ATAD2: variants seen among roughly 807,000 people sequenced by gnomAD.
ATAD2 encodes ATPase family AAA domain containing 2.
A neutral mutation model predicts 168.9 loss-of-function variants in ATAD2; 62 were observed. The observed-to-expected ratio is 0.37, with a 90% CI of 0.30 to 0.45. The LOEUF (loss-of-function observed/expected upper bound fraction) is 0.45, where lower values mean the gene tolerates loss of function less well. Among genes scored for constraint, ATAD2 ranks in the 20% least tolerant of loss-of-function variants. ATAD2 has a pLI of 1.00. For synonymous variants in ATAD2, 613 were observed against 571.6 expected (o/e 1.07, Z -1.03); for missense variants, 1,419 against 1,667.8 (o/e 0.85, Z 2.60).
rs530136198 is a variant in ATAD2 at position 123,339,551 on chromosome 8, C to T, written c.2719-105G>A. Reference sequence around the variant, plus strand: ...AGACTTTACAGCAGCATGAAAGTGACATGTATTCAGTATGTCCCTCCACTT... The same window carrying T: ...AGACTTTACAGCAGCATGAAAGTGATATGTATTCAGTATGTCCCTCCACTT... On this transcript the variant is annotated intron_variant, in intron 19 of 27. Transcript: ENST00000287394. 8.3e-6 allele frequency: 9 copies of T among 1,082,396 alleles called. No individual in the cohort carries two copies. In the African/African-American group the frequency reaches 1.3e-4, roughly 15 times the overall value. 67.0% of individuals were successfully genotyped at this position (1,082,396 alleles called of 1,614,324 possible). A position where few individuals can be genotyped will look rare whatever the true frequency, so the allele number is the denominator to read the frequency against.
upstream of ATAD2, among the ~76,000 whole-genome samples, chr8:123,399,465 G>T (rs1812969686): frequency 6.6e-6 from 1 of 152,136 alleles, no homozygotes; most frequent in Non-Finnish European, 1.5e-5. Context: ...AATAAACAAG[G>T]TAACTTCATT....
intron 1 of ATAD2, among the ~76,000 whole-genome samples, chr8:123,392,245 T>C (rs1168989082): frequency 1.3e-5 from 2 of 152,082 alleles, no homozygotes; most frequent in East Asian, 1.9e-4. Flanking sequence ...TACATTCTGA[T>C]TGGGGAAGAG....
At chr8:123,407,766 T>C (rs1586914722) in intron 1 of ATAD2, among the ~76,000 whole-genome samples, 1 of 152,066 alleles carries the variant, frequency 6.6e-6, no homozygotes, top group African/African-American at 2.4e-5. Flanking sequence ...GGCAGAAGAA[T>C]TGCTTGAACC....
Position 123,345,074 on chromosome 8 carries a change from T to G in ATAD2, c.2533-5A>C, listed in dbSNP as rs374707437. 2.0e-5 allele frequency: 32 copies of G among 1,592,318 alleles called. No homozygotes were observed. The African/African-American group carries it at 4.2e-4, about 21-fold the overall frequency. ...TCTCTTAGCTTCACGAATCACCTAGTAGAGAGAGAACAAAACAAATTCAGT... is the reference window on the plus strand; with the variant it reads ...TCTCTTAGCTTCACGAATCACCTAGGAGAGAGAGAACAAAACAAATTCAGT... On this transcript the variant is annotated splice_polypyrimidine_tract_variant and splice_region_variant and intron_variant, in intron 18 of 27. Transcript: ENST00000287394.
At chr8:123,379,903 T>TTTTTA (rs1829444352) in intron 2 of ATAD2, among the ~76,000 whole-genome samples, 3 of 149,170 alleles carry the variant, frequency 2.0e-5, no homozygotes, top group South Asian at 2.1e-4. Context: ...TTTTTTTTTT[T>TTTTTA]GAGACTGAGT....
intron 22 of ATAD2, 96 bp from the exon 23 acceptor site, chr8:123,334,418 C>T: frequency 1.7e-6 from 2 of 1,177,026 alleles, no homozygotes; most frequent in Non-Finnish European, 2.3e-6. Context: ...GTAGCTCTTA[C>T]AATTCCTTTT....
rs150563309 is a variant in ATAD2 at position 123,401,952 on chromosome 8, G to A, written c.-2281-777C>T. 1.6e-3 allele frequency: 1,348 copies of A among 849,494 alleles called. 11 individuals are homozygous for A. In the East Asian group the frequency reaches 0.027, roughly 17 times the overall value. The allele number at this position is 849,494 out of a possible 1,614,324, so 52.6% of individuals were successfully genotyped here. On this transcript the variant is annotated intron_variant, in intron 1 of 28. Transcript: ENST00000521903. ...AAGTTTGTGCCCTACCTCATAGTGG[G>A]CATCCAGCATGGCTGCCAGGATATC...
intron 25 of ATAD2, 100 bp downstream of exon 25, chr8:123,328,090 A>G: frequency 2.0e-6 from 2 of 989,024 alleles, no homozygotes; most frequent in Non-Finnish European, 2.7e-6. Flanking sequence ...TGCTCTCTGA[A>G]AGGCAAGCAA....
At chr8:123,370,857 G>T in intron 6 of ATAD2, 46 bp downstream of exon 6, 1 of 1,425,312 alleles carries the variant, frequency 7.0e-7, no homozygotes, top group South Asian at 1.3e-5. Flanking sequence ...TAAATAAAAA[G>T]TTCTTAAATT....
intron 5 of ATAD2, 41 bp from the exon 6 acceptor site, chr8:123,371,031 A>G (rs1452617481): frequency 2.1e-6 from 3 of 1,430,548 alleles, no homozygotes; most frequent in South Asian, 2.6e-5. Context: ...TTTGGAATCT[A>G]TTTATTAAAA....
At chr8:123,372,602 A>G in intron 3 of ATAD2, 35 bp downstream of exon 3, 1 of 1,478,056 alleles carries the variant, frequency 6.8e-7, no homozygotes, top group Admixed American at 2.2e-5. Context: ...TTAATTACAC[A>G]TTTTAAGATC....
chr8:123,384,769 G>A (rs1054639586), intron 1 of ATAD2, among the ~76,000 whole-genome samples: 1 of 152,192 alleles, frequency 6.6e-6, no homozygotes, highest in African/African-American at 2.4e-5. Context: ...AAATTGGAAC[G>A]ATACAAAGAT....
In ATAD2 at chr8:123,389,960, TTATA is replaced by T. The variant is rs386360951; in HGVS notation, c.171+6223_171+6226del. On this transcript the variant is annotated intron_variant, in intron 1 of 27. Transcript: ENST00000287394. Reference sequence around the variant, plus strand: ...ATAAGTGGTAGCTATTACTATTATTTTATATATATATATATATATATATATTTTT... The same window carrying T: ...ATAAGTGGTAGCTATTACTATTATTTTATATATATATATATATATATTTTT... Among the ~76,000 whole-genome samples, 208 of 94,046 alleles carry T rather than the reference TTATA, an allele frequency of 2.2e-3. 2 individuals carry two copies. Among genetic ancestry groups the T allele is most frequent in the East Asian group, 7.3e-3 (24 of 3,310 alleles). 61.7% of individuals were successfully genotyped at this position (94,046 alleles called of 152,430 possible).
chr8:123,356,292 A>T (rs1828643260), intron 13 of ATAD2, 97 bp downstream of exon 13: 4 of 1,005,344 alleles, frequency 4.0e-6, no homozygotes, highest in Non-Finnish European at 5.8e-6. Context: ...CTACTAGCTT[A>T]TAAAGTTTCT....
intron 21 of ATAD2, 39 bp from the exon 22 acceptor site, chr8:123,336,571 C>A: frequency 1.4e-6 from 2 of 1,441,210 alleles, no homozygotes; most frequent in South Asian, 1.6e-5. Context: ...AAAATTAACT[C>A]TAAACATAAC....
At chr8:123,332,548 A>G (rs539459307) in intron 24 of ATAD2, among the ~76,000 whole-genome samples, 21 of 152,336 alleles carry the variant, frequency 1.4e-4, no homozygotes, top group Non-Finnish European at 2.9e-4. Flanking sequence ...ATGTAAATGT[A>G]TCTAGGATTC....
chr8:123,320,430 C>T lies in ATAD2; in HGVS notation c.*704G>A, dbSNP rs1231847958. ...AGCTTGCAAATATAAAAACCTTGTGCTATTAAAAGGTGTTTAACAAGGTAG... is the reference window on the plus strand; with the variant it reads ...AGCTTGCAAATATAAAAACCTTGTGTTATTAAAAGGTGTTTAACAAGGTAG... On this transcript the variant is annotated 3_prime_UTR_variant, in exon 28 of 28. Coordinates refer to ENST00000287394, the MANE Select transcript of ATAD2 (RefSeq NM_014109.4). The T allele has an allele frequency of 6.6e-6, 1 of 152,064 alleles. No homozygotes were observed. The highest frequency in any genetic ancestry group is 2.4e-5 in the African/African-American group (1 of 41,498). The allele number at this position is 152,064 out of a possible 1,614,324, so 9.4% of individuals were successfully genotyped here. A position where few individuals can be genotyped will look rare whatever the true frequency, so the allele number is the denominator to read the frequency against.
At chr8:123,361,835 G>C (rs1252325532) in intron 8 of ATAD2, among the ~76,000 whole-genome samples, 189 bp from the exon 9 acceptor site, 2 of 152,054 alleles carry the variant, frequency 1.3e-5, no homozygotes, top group Non-Finnish European at 2.9e-5. Context: ...CAACTGAGAG[G>C]AAAGGAAAAA....
chr8:123,385,827 A>C (rs1829633648), intron 1 of ATAD2, among the ~76,000 whole-genome samples: 1 of 152,100 alleles, frequency 6.6e-6, no homozygotes, highest in African/African-American at 2.4e-5. Flanking sequence ...ATATCTCCAG[A>C]ATATTTAAAG....
Sources: allele counts gnomAD v4.1 joint callset (sites outside exome capture counted in the v4.1 genomes callset), GRCh38; gene constraint gnomAD v4.1.1; transcripts MANE v1.5; gene names NCBI Gene and HGNC (gene_info 2026-07-23, HGNC 2026-07-21).